Variants in LARS1 observed in about 807,000 individuals in gnomAD.
LARS1 encodes the protein leucyl-tRNA synthetase 1.
In LARS1, 100 loss-of-function variants were observed where a neutral mutation model predicts 162.8. The ratio of observed to expected loss-of-function variants is 0.61; its 90% CI spans 0.52 to 0.73. The LOEUF (loss-of-function observed/expected upper bound fraction) is 0.73, where lower values mean the gene tolerates loss of function less well. Ranked by LOEUF, LARS1 falls within the 30% of genes least tolerant of loss-of-function variation. The pLI, the probability that LARS1 is intolerant of heterozygous loss-of-function variation, is 0.00. For missense variants in LARS1, 1,258 were observed against 1,408.9 expected (o/e 0.89, Z 1.71); for synonymous variants, 457 against 462.8 (o/e 0.99, Z 0.16).
At chr5:146,126,566 G>C (rs1561799097) in intron 27 of LARS1, 21 bp from the exon 28 acceptor site, 1 of 1,528,594 alleles carries the variant, frequency 6.5e-7, no homozygotes, top group East Asian at 2.3e-5. Flanking sequence ...GAAGGAGGGA[G>C]AGTAATGTAG....
At chr5:146,155,712 T>C (rs1042345642) in intron 10 of LARS1, among the ~76,000 whole-genome samples, 2 of 152,208 alleles carry the variant, frequency 1.3e-5, no homozygotes, top group Non-Finnish European at 2.9e-5. Flanking sequence ...ATTTTAAATG[T>C]TGAAACTATT....
chr5:146,123,947 A>T (rs1169766614), intron 29 of LARS1, 35 bp downstream of exon 29: 1 of 1,086,426 alleles, frequency 9.2e-7, no homozygotes, highest in African/African-American at 1.5e-5. Context: ...GTTTAACTAC[A>T]GTTAACTGGT....
At chr5:146,130,855 T>A in intron 24 of LARS1, 164 bp downstream of exon 24, 1 of 461,976 alleles carries the variant, frequency 2.2e-6, no homozygotes, top group Non-Finnish European at 3.8e-6. Flanking sequence ...CCAAAGATAA[T>A]AACTTAAAAT....
At chr5:146,165,003 T>C (rs35436549) in intron 5 of LARS1, among the ~76,000 whole-genome samples, 33,876 of 152,000 alleles carry the variant, frequency 0.22, 4,841 homozygotes, top group Admixed American at 0.34. Flanking sequence ...GAAACATGAC[T>C]CCAGGCATTT....
rs1023558176 is a variant in LARS1 at position 146,114,104 on chromosome 5, G to A, written c.*2C>T. On this transcript the variant is annotated 3_prime_UTR_variant, in exon 32 of 32. Coordinates refer to ENST00000394434, the MANE Select transcript of LARS1 (RefSeq NM_020117.11). ...CAGGATAAATCTCCAATGTGCATGA[G>A]TTTAATGAACCAGATAGATTATTGT... 2.5e-6 allele frequency: 4 copies of A among 1,607,976 alleles called. No homozygotes were observed. In the Admixed American group the frequency reaches 5.0e-5, roughly 20 times the overall value.
intron 15 of LARS1, among the ~76,000 whole-genome samples, chr5:146,145,459 C>T (rs898552399): frequency 1.3e-5 from 2 of 151,948 alleles, no homozygotes; most frequent in Admixed American, 6.6e-5. Context: ...CATAGAAAAT[C>T]TTGTTACTAA....
chr5:146,130,413 T>C (rs1752228827), intron 24 of LARS1: 1 of 459,786 alleles, frequency 2.2e-6, no homozygotes, highest in Admixed American at 3.9e-5. Flanking sequence ...ACATAAAAGT[T>C]GAACAACTTT....
At chr5:146,135,553 CTG>C in intron 22 of LARS1, 46 bp downstream of exon 22, 3 of 1,343,608 alleles carry the variant, frequency 2.2e-6, no homozygotes, top group Non-Finnish European at 3.1e-6. Flanking sequence ...CTTCTATAAT[CTG>C]AGAACTGGAC....
At chr5:146,127,572 A>T (rs1752097877) in intron 27 of LARS1, among the ~76,000 whole-genome samples, 1 of 152,072 alleles carries the variant, frequency 6.6e-6, no homozygotes, top group Admixed American at 6.6e-5. Context: ...AAGACATTAC[A>T]TATTATATTT....
intron 21 of LARS1, among the ~76,000 whole-genome samples, chr5:146,137,145 G>T (rs768848770): frequency 6.6e-6 from 1 of 152,104 alleles, no homozygotes; most frequent in Non-Finnish European, 1.5e-5. Flanking sequence ...TGATCCACCC[G>T]CCTTGGCCTC....
intron 31 of LARS1, among the ~76,000 whole-genome samples, chr5:146,115,581 C>CAA (rs58644900): frequency 0.09 from 1,854 of 20,612 alleles, 546 homozygotes; most frequent in Middle Eastern, 0.22. Flanking sequence ...AGCGCCTGAC[C>CAA]AAAAAAAAAA....
In LARS1 at chr5:146,164,343, C is replaced by T. The variant is rs1405374484; in HGVS notation, c.561G>A (p.Leu187=). 2 of 1,614,082 alleles carry T rather than the reference C, an allele frequency of 1.2e-6. No individual in the cohort carries two copies. Among genetic ancestry groups the T allele is most frequent in the South Asian group, 2.2e-5 (2 of 91,084 alleles). The change falls in exon 6 of 32, where the codon CTG becomes CTA. Residue 187 remains leucine, a synonymous_variant. Transcript: ENST00000394434. ...AEHWLDYFPP[L]AIQDLKRMGL... is the part of the protein sequence containing the mutation. ...CCATTCTTTTTAAATCCTGAATAGC[C>T]AGTGGCGGGAAATAATCAAGCCAAT...
chr5:146,118,339 T>A lies in LARS1; in HGVS notation c.3325+2032A>T, dbSNP rs139549212. Among the ~76,000 whole-genome samples, 8 of 152,240 alleles carry A rather than the reference T, an allele frequency of 5.3e-5. No individual in the cohort carries two copies. The East Asian group carries it at 1.5e-3, about 29-fold the overall frequency. On this transcript the variant is annotated intron_variant, in intron 31 of 31. Transcript: ENST00000394434. ...GATTTCATTGAAGTAGAGAATAGAA[T>A]CATGGTTATCAGAGGCTGGGAAGGA... is the stretch of plus-strand genomic sequence containing the variant.
chr5:146,170,814 G>A (rs1436629289), intron 4 of LARS1, among the ~76,000 whole-genome samples: 1 of 150,590 alleles, frequency 6.6e-6, no homozygotes, highest in Non-Finnish European at 1.5e-5. Context: ...GGCCAACATG[G>A]TGAAACCCCA....
At position 146,153,184 on chromosome 5, in the gene LARS1, G is replaced by C; in HGVS notation, c.1274C>G (p.Pro425Arg). The change falls in exon 13 of 32, where the codon CCA (proline) becomes CGA (arginine). Residue 425 changes from proline to arginine, a missense_variant. Transcript: ENST00000394434. Reference protein sequence around the residue: ...KYGIRDDMVLPFEPVPVIEIP... With the variant: ...KYGIRDDMVLRFEPVPVIEIP... ...TATCTATGTACTCACCGGCTCAAAT[G>C]GCAAGACCATGTCATCTCTAATTCC... 1 of 1,612,752 alleles carries C rather than the reference G, an allele frequency of 6.2e-7. No individual in the cohort carries two copies. Among genetic ancestry groups the C allele is most frequent in the Non-Finnish European group, 8.5e-7 (1 of 1,179,168 alleles).
At chr5:146,140,128 TA>T (rs1561809504) in intron 21 of LARS1, 75 bp downstream of exon 21, 91 of 1,140,072 alleles carry the variant, frequency 8.0e-5, no homozygotes, top group Non-Finnish European at 1.0e-4. Context: ...TACATACATT[TA>T]AAAAAAAGTG....
rs370606654 is a variant in LARS1 at position 146,130,140 on chromosome 5, G to A, written c.2506C>T (p.Arg836Cys). The stretch of plus-strand genomic sequence containing the variant: ...TGCATCCCTTCCACAGCCAATTCAC[G>A]GTACTTATCTTTTGCGGCCTATAAA... Reference protein sequence around the residue: ...FEFQAAKDKYRELAVEGMHRE... With the variant: ...FEFQAAKDKYCELAVEGMHRE... The change falls in exon 25 of 32, where the codon CGT becomes TGT. Residue 836 changes from arginine to cysteine, a missense_variant. Transcript: ENST00000394434. The A allele has an allele frequency of 3.3e-5, 53 of 1,612,818 alleles. 1 individual carries two copies. The highest frequency in any genetic ancestry group is 5.5e-5 in the South Asian group (5 of 90,870).
rs1753596435 is a variant in LARS1 at position 146,157,757 on chromosome 5, C to T, written c.810G>A (p.Lys270=). The T allele has an allele frequency of 6.2e-7, 1 of 1,614,088 alleles. No homozygotes were observed. The highest frequency in any genetic ancestry group is 8.5e-7 in the Non-Finnish European group (1 of 1,180,000). ...ATTTAGATGGGTATGGCTCAAGCAC[C>T]TTCAATTTGAGTAAAGTATATTCCT... is the stretch of plus-strand genomic sequence containing the variant. ...GPQEYTLLKL[K]VLEPYPSKLS... The change falls in exon 9 of 32, where the codon AAG becomes AAA. Residue 270 remains lysine, a synonymous_variant. Transcript: ENST00000394434.
intron 5 of LARS1, among the ~76,000 whole-genome samples, chr5:146,167,284 A>C (rs73317823): frequency 0.029 from 4,433 of 152,316 alleles, 223 homozygotes; most frequent in African/African-American, 0.1. Context: ...TAATTCCTTA[A>C]TTTGAAAAAT....
Sources: allele counts gnomAD v4.1 joint callset (sites outside exome capture counted in the v4.1 genomes callset), GRCh38; gene constraint gnomAD v4.1.1; transcripts MANE v1.5; gene names NCBI Gene and HGNC (gene_info 2026-07-23, HGNC 2026-07-21).